LAMA3: variants seen among roughly 807,000 people sequenced by gnomAD.
LAMA3 encodes laminin subunit alpha-3.
In LAMA3, 281 loss-of-function variants were observed where a neutral mutation model predicts 402.0. That is an observed-to-expected ratio of 0.70 (90% CI 0.63 to 0.77). The LOEUF is 0.77. Ranked by LOEUF, LAMA3 falls within the 30% of genes least tolerant of loss-of-function variation. The pLI is 0.00. For missense variants in LAMA3, 3,840 were observed against 4,215.5 expected, an observed-to-expected ratio of 0.91 and a Z score of 2.47; for synonymous variants, 1,431 against 1,558.4, an observed-to-expected ratio of 0.92 and a Z score of 1.93.
At chr18:23,914,281 G>A (rs2081533012) in intron 56 of LAMA3, 129 bp from the exon 57 acceptor site, 1 of 896,052 alleles carries the variant, frequency 1.1e-6, no homozygotes. Flanking sequence ...ATTGCACCTT[G>A]TTTATTCTGT....
At chr18:23,750,696 A>C (rs549637808) in intron 4 of LAMA3, among the ~76,000 whole-genome samples, 2 of 152,164 alleles carry the variant, frequency 1.3e-5, no homozygotes, top group African/African-American at 4.8e-5. Context: ...GAGAGCCCAG[A>C]TTTCAAAGAC....
intron 31 of LAMA3, among the ~76,000 whole-genome samples, chr18:23,846,734 A>G (rs969834242): frequency 2.0e-5 from 3 of 152,210 alleles, no homozygotes; most frequent in African/African-American, 4.8e-5. Context: ...CTAAGTAGCA[A>G]TGTTCTAGAA....
intron 9 of LAMA3, 82 bp from the exon 10 acceptor site, chr18:23,775,710 G>A (rs550920833): frequency 1.2e-5 from 18 of 1,495,518 alleles, no homozygotes; most frequent in Admixed American, 3.4e-5. Context: ...AGTATGGAAC[G>A]TTGCCTGGGA....
chr18:23,873,740 TAG>T (rs964225605), intron 38 of LAMA3, among the ~76,000 whole-genome samples: 1 of 152,206 alleles, frequency 6.6e-6, no homozygotes, highest in African/African-American at 2.4e-5. Context: ...TACAGAGAAA[TAG>T]ATCCTATGGC....
intron 1 of LAMA3, chr18:23,710,211 T>C (rs950357156): frequency 3.1e-6 from 2 of 647,042 alleles, no homozygotes; most frequent in African/African-American, 3.7e-5. Flanking sequence ...AAACACTGCC[T>C]TCTTGGCCTT....
chr18:23,794,210 G>C (rs1021446608), intron 12 of LAMA3, among the ~76,000 whole-genome samples: 1 of 152,162 alleles, frequency 6.6e-6, no homozygotes, highest in African/African-American at 2.4e-5. Flanking sequence ...TCTCTGGGGA[G>C]AGTCTTAAGA....
intron 42 of LAMA3, among the ~76,000 whole-genome samples, chr18:23,891,273 G>A (rs1315277592): frequency 6.6e-6 from 1 of 152,224 alleles, no homozygotes; most frequent in Admixed American, 6.5e-5. Flanking sequence ...TGGGCCCACA[G>A]AACAGACAAT....
intron 62 of LAMA3, 69 bp downstream of exon 62, chr18:23,921,654 C>T: frequency 6.6e-7 from 1 of 1,512,298 alleles, no homozygotes; most frequent in Non-Finnish European, 9.1e-7. Flanking sequence ...CAAAAAAAAT[C>T]TGGTCTGCCA....
chr18:23,746,786 G>C (rs2143508182), intron 2 of LAMA3, among the ~76,000 whole-genome samples: 1 of 151,532 alleles, frequency 6.6e-6, no homozygotes, highest in East Asian at 1.9e-4. Context: ...ATATAAAGGG[G>C]GTCCTGAGAC....
chr18:23,725,435 T>C (rs559571415), intron 2 of LAMA3, among the ~76,000 whole-genome samples: 6 of 152,268 alleles, frequency 3.9e-5, no homozygotes, highest in African/African-American at 1.2e-4. Flanking sequence ...TTTCTGGTGG[T>C]CACTGCCAGC....
chr18:23,721,170 A>T (rs2061206040), intron 2 of LAMA3, among the ~76,000 whole-genome samples: 1 of 151,952 alleles, frequency 6.6e-6, no homozygotes, highest in Admixed American at 6.6e-5. Flanking sequence ...TTAAAAAAAA[A>T]AGTCTCTCTC....
chr18:23,939,652 G>A (rs1042057900), intron 68 of LAMA3, among the ~76,000 whole-genome samples: 1 of 152,204 alleles, frequency 6.6e-6, no homozygotes, highest in Non-Finnish European at 1.5e-5. Flanking sequence ...AATTGATGGT[G>A]TTCTAAAAAT....
At chr18:23,771,234 A>T (rs1025094760) in intron 8 of LAMA3, among the ~76,000 whole-genome samples, 1 of 152,244 alleles carries the variant, frequency 6.6e-6, no homozygotes, top group African/African-American at 2.4e-5. Flanking sequence ...AGAGAGGAAG[A>T]AACTACTGAT....
At chr18:23,795,855 T>C (rs150549682) in intron 12 of LAMA3, among the ~76,000 whole-genome samples, 4 of 152,210 alleles carry the variant, frequency 2.6e-5, no homozygotes, top group Non-Finnish European at 5.9e-5. Context: ...CCCTAAAAAT[T>C]CATATGTTGA....
intron 32 of LAMA3, among the ~76,000 whole-genome samples, chr18:23,853,094 C>T (rs2063982723): frequency 1.3e-5 from 2 of 152,180 alleles, no homozygotes; most frequent in South Asian, 2.1e-4. Context: ...ATGTCCACAT[C>T]AAGACTGACT....
intron 38 of LAMA3, 63 bp from the exon 39 acceptor site, chr18:23,876,222 GAGGTGTCAC>G: frequency 1.0e-6 from 1 of 955,572 alleles, no homozygotes. Flanking sequence ...TTCACAGTGA[GAGGTGTCAC>G]ATGCTTTGGA....
chr18:23,899,512 C>A, intron 47 of LAMA3, 57 bp downstream of exon 47: 1 of 1,543,452 alleles, frequency 6.5e-7, no homozygotes, highest in East Asian at 2.3e-5. Flanking sequence ...TGAAACACAA[C>A]GTGCAGAGTG....
At chr18:23,953,971 G>T (rs1480250454) in intron 74 of LAMA3, among the ~76,000 whole-genome samples, 2 of 152,204 alleles carry the variant, frequency 1.3e-5, no homozygotes, top group African/African-American at 4.8e-5. Flanking sequence ...ATTGATTTGG[G>T]CAGTGGATTC....
intron 18 of LAMA3, 70 bp downstream of exon 18, chr18:23,816,557 T>G: frequency 7.9e-7 from 1 of 1,268,952 alleles, no homozygotes; most frequent in Non-Finnish European, 1.1e-6. Flanking sequence ...CTGCCTGTGC[T>G]ACAGCTCTGG....
Sources: gnomAD v4.1 joint callset for allele counts (sites outside exome capture counted in the v4.1 genomes callset) on GRCh38, gnomAD v4.1.1 for gene constraint, MANE v1.5 for transcripts, NCBI Gene and HGNC (gene_info 2026-07-23, HGNC 2026-07-21) for gene names.